CEP43: variants seen among roughly 807,000 people sequenced by gnomAD.
CEP43 encodes the protein FGFR1 oncogene partner.
Under a neutral mutation model 52.6 loss-of-function variants are expected in CEP43, and 36 were observed. The ratio of observed to expected loss-of-function variants is 0.68; its 90% CI spans 0.52 to 0.90. The LOEUF is 0.90. CEP43 is among the 40% of genes least tolerant of loss of function. The pLI, the probability that CEP43 is intolerant of heterozygous loss-of-function variation, is 0.00. For synonymous variants in CEP43, 192 were observed against 172.4 expected (o/e 1.11, Z -0.89); for missense variants, 506 against 472.8 (o/e 1.07, Z -0.65).
Position 167,026,616 on chromosome 6 carries a change from G to T in CEP43, c.988+1G>T. 1 of 1,557,556 alleles carries T rather than the reference G, an allele frequency of 6.4e-7. No homozygotes were observed. ...GATAAAATTGGATCACTTGGATTAG[G>T]TAATTAGATTTCTAGTTTTTGTGCT... On this transcript the variant is annotated splice_donor_variant, in intron 10 of 12. Transcript: ENST00000366847. LOFTEE classifies it high-confidence loss of function.
intron 12 of CEP43, chr6:167,036,235 G>T (rs1226604053): frequency 1.0e-6 from 1 of 985,320 alleles, no homozygotes; most frequent in African/African-American, 1.7e-5. Flanking sequence ...ACTTGGTTCT[G>T]CGAGGGCTGA....
intron 7 of CEP43, among the ~76,000 whole-genome samples, chr6:167,017,784 T>A (rs1780136682): frequency 6.6e-6 from 1 of 152,190 alleles, no homozygotes; most frequent in South Asian, 2.1e-4. Context: ...TGCACTATAA[T>A]TTCCCATAGA....
Position 167,036,700 on chromosome 6 carries a change from T to C in CEP43, c.1125+2729T>C, listed in dbSNP as rs1009708076. ...AAAATGTACGTTTTAGATATTTTTA[T>C]TTTGTGATGTAAAATCTATTTTTAT... On this transcript the variant is annotated intron_variant, in intron 12 of 12. Coordinates refer to ENST00000366847, the MANE Select transcript of CEP43 (RefSeq NM_007045.4). The C allele has an allele frequency of 1.0e-5, 10 of 983,358 alleles. No homozygotes were observed. The Admixed American group carries it at 3.7e-4, about 36-fold the overall frequency. The allele number at this position is 983,358 out of a possible 1,614,324, so 60.9% of individuals were successfully genotyped here.
At chr6:167,017,468 G>C (rs1018397121) in intron 7 of CEP43, among the ~76,000 whole-genome samples, 3 of 152,114 alleles carry the variant, frequency 2.0e-5, no homozygotes, top group Non-Finnish European at 4.4e-5. Flanking sequence ...GGACTTTGGT[G>C]TCTGCAGGTG....
In CEP43 at chr6:167,045,133, C is replaced by T. The variant is rs1269525852; in HGVS notation, c.*5155C>T. 7.0e-6 allele frequency: 1 copy of T among 142,786 alleles called. No individual in the cohort carries two copies. Among genetic ancestry groups the T allele is most frequent in the African/African-American group, 2.6e-5 (1 of 38,686 alleles). The allele number at this position is 142,786 out of a possible 1,614,324, so 8.8% of individuals were successfully genotyped here. A position where few individuals can be genotyped will look rare whatever the true frequency, so the allele number is the denominator to read the frequency against. On this transcript the variant is annotated 3_prime_UTR_variant, in exon 13 of 13. Coordinates refer to ENST00000366847, the MANE Select transcript of CEP43 (RefSeq NM_007045.4). ...TCCTTTTTTTTTTTTGAGACTGAGT[C>T]ACTGTCGCCCAGGCTGGAGTGCAGT...
rs1562538715 is a variant in CEP43 at position 167,047,494 on chromosome 6, C to T, written c.*7516C>T. On this transcript the variant is annotated 3_prime_UTR_variant, in exon 13 of 13. Transcript: ENST00000366847. The stretch of plus-strand genomic sequence containing the variant: ...GGGCTGCCCTGGTCTTAAGTAATGC[C>T]CACAGAGAGCTTAGCATTGTTCTTG... 6.6e-6 allele frequency: 1 copy of T among 151,976 alleles called. No individual in the cohort carries two copies. Among genetic ancestry groups the T allele is most frequent in the Non-Finnish European group, 1.5e-5 (1 of 68,000 alleles). The allele number at this position is 151,976 out of a possible 1,614,324, so 9.4% of individuals were successfully genotyped here. A position where few individuals can be genotyped will look rare whatever the true frequency, so the allele number is the denominator to read the frequency against.
rs1445447265 is a variant in CEP43 at position 167,051,267 on chromosome 6, A to G, written c.*11289A>G. ...GTAGAAAATAGGTGGTAATCTTTAC[A>G]CCTATATCTTAGTAGAATTCAGGCC... On this transcript the variant is annotated 3_prime_UTR_variant, in exon 13 of 13. Transcript: ENST00000366847. The G allele has an allele frequency of 1.3e-5, 2 of 152,206 alleles. No individual in the cohort carries two copies. The highest frequency in any genetic ancestry group is 2.9e-5 in the Non-Finnish European group (2 of 68,040). The allele number at this position is 152,206 out of a possible 1,614,324, so 9.4% of individuals were successfully genotyped here. A position where few individuals can be genotyped will look rare whatever the true frequency, so the allele number is the denominator to read the frequency against.
intron 10 of CEP43, among the ~76,000 whole-genome samples, chr6:167,031,073 T>C (rs1384895682): frequency 6.6e-6 from 1 of 152,202 alleles, no homozygotes; most frequent in Admixed American, 6.5e-5. Context: ...TTTTAAAAAT[T>C]AAAATTTAAA....
chr6:167,007,401 G>T (rs527606968), intron 5 of CEP43, among the ~76,000 whole-genome samples: 4 of 152,266 alleles, frequency 2.6e-5, no homozygotes, highest in South Asian at 2.1e-4. Flanking sequence ...TCCTCAAAAG[G>T]TAGTTGTTTT....
chr6:167,009,269 G>A (rs1165354104), intron 5 of CEP43, among the ~76,000 whole-genome samples: 1 of 151,602 alleles, frequency 6.6e-6, no homozygotes, highest in Non-Finnish European at 1.5e-5. Context: ...GCTCAAACCT[G>A]TAATCCCACA....
chr6:167,019,783 A>AGTT (rs1176878789), intron 7 of CEP43, among the ~76,000 whole-genome samples: 1 of 152,190 alleles, frequency 6.6e-6, no homozygotes, highest in African/African-American at 2.4e-5. Context: ...GATACCTACT[A>AGTT]GTTGCTCAGC....
At chr6:167,030,009 G>C (rs1418939353) in intron 10 of CEP43, among the ~76,000 whole-genome samples, 3 of 152,224 alleles carry the variant, frequency 2.0e-5, no homozygotes, top group Non-Finnish European at 4.4e-5. Flanking sequence ...GGGTAGGGCA[G>C]AAACAAATCA....
At chr6:167,021,035 G>C (rs898025618) in intron 7 of CEP43, among the ~76,000 whole-genome samples, 1 of 148,214 alleles carries the variant, frequency 6.7e-6, no homozygotes, top group African/African-American at 2.5e-5. Flanking sequence ...TTTAAGACCA[G>C]CCTGGATGAC....
Position 166,999,523 on chromosome 6 carries a change from G to T in CEP43, c.102+9G>T. 1 of 1,424,370 alleles carries T rather than the reference G, an allele frequency of 7.0e-7. No homozygotes were observed. Among genetic ancestry groups the T allele is most frequent in the Non-Finnish European group, 9.3e-7 (1 of 1,080,348 alleles). The allele number at this position is 1,424,370 out of a possible 1,614,324, so 88.2% of individuals were successfully genotyped here. A position where few individuals can be genotyped will look rare whatever the true frequency, so the allele number is the denominator to read the frequency against. On this transcript the variant is annotated intron_variant, in intron 1 of 12. Transcript: ENST00000366847. ...TCCTGAACCGCATCAAGGTGAGGCC[G>T]GAGGCTGGGGCCGGGCCTGGCGGAT...
chr6:167,024,302 C>T (rs1780304341), intron 8 of CEP43, among the ~76,000 whole-genome samples: 1 of 152,138 alleles, frequency 6.6e-6, no homozygotes, highest in Admixed American at 6.5e-5. Context: ...GGCGAGAAGG[C>T]ACTGTGGAAA....
chr6:167,004,464 A>C (rs1409349278), intron 5 of CEP43, 63 bp downstream of exon 5: 2 of 1,419,570 alleles, frequency 1.4e-6, no homozygotes, highest in Non-Finnish European at 1.9e-6. Flanking sequence ...TTAGCCATGC[A>C]GATTAGTGCA....
At chr6:167,029,033 G>A (rs1336054384) in intron 10 of CEP43, among the ~76,000 whole-genome samples, 1 of 152,162 alleles carries the variant, frequency 6.6e-6, no homozygotes, top group Admixed American at 6.5e-5. Context: ...TAGGGTTTGT[G>A]GATGGCATGT....
chr6:167,000,448 C>T (rs1779708581), intron 2 of CEP43, among the ~76,000 whole-genome samples: 1 of 152,186 alleles, frequency 6.6e-6, no homozygotes, highest in Non-Finnish European at 1.5e-5. Context: ...TTATTAATCC[C>T]TATGAAACGG....
chr6:167,000,071 A>C lies in CEP43; in HGVS notation c.114A>C (p.Arg38=). The C allele has an allele frequency of 6.2e-7, 1 of 1,612,576 alleles. No homozygotes were observed. Among genetic ancestry groups the C allele is most frequent in the Non-Finnish European group, 8.5e-7 (1 of 1,178,982 alleles). ...GVLNRIKAEL[R]AAVFLALEEQ... is the part of the protein sequence containing the mutation. ...AACTTTTTTTTAAGGCTGAACTCCGAGCAGCTGTGTTTTTAGCACTAGAGG... is the reference window on the plus strand; with the variant it reads ...AACTTTTTTTTAAGGCTGAACTCCGCGCAGCTGTGTTTTTAGCACTAGAGG... Residue 38 remains arginine (R), a synonymous_variant, in exon 2 of 13, where the codon CGA becomes CGC. Transcript: ENST00000366847.
Sources: gnomAD v4.1 joint callset for allele counts (sites outside exome capture counted in the v4.1 genomes callset) on GRCh38, gnomAD v4.1.1 for gene constraint, MANE v1.5 for transcripts, NCBI Gene and HGNC (gene_info 2026-07-23, HGNC 2026-07-21) for gene names.